GASK1A: variants seen among roughly 807,000 people sequenced by gnomAD.
GASK1A encodes the protein golgi associated kinase 1A.
In GASK1A, 40 loss-of-function variants were observed where a neutral mutation model predicts 41.2. That is an observed-to-expected ratio of 0.97 (90% CI 0.75 to 1.27). The LOEUF is 1.27. Among genes scored for constraint, GASK1A ranks in the 50% most tolerant of loss-of-function variants. The pLI is 0.00. For missense variants in GASK1A, 678 were observed against 745.1 expected, an observed-to-expected ratio of 0.91 and a Z score of 1.05; for synonymous variants, 316 against 307.1, an observed-to-expected ratio of 1.03 and a Z score of -0.30.
chr3:43,017,873 C>T (rs531155949), intron 1 of GASK1A, among the ~76,000 whole-genome samples: 30 of 141,728 alleles, frequency 2.1e-4, no homozygotes, highest in African/African-American at 6.9e-4. Context: ...AGGGCCAGTG[C>T]GAAGCCACAG....
chr3:43,042,762 T>C (rs1032278213), intron 2 of GASK1A, among the ~76,000 whole-genome samples: 2 of 152,192 alleles, frequency 1.3e-5, no homozygotes, highest in Non-Finnish European at 2.9e-5. Context: ...GCTATAGTCC[T>C]TCTCAATCCA....
At chr3:43,042,651 C>T (rs1342515749) in intron 2 of GASK1A, among the ~76,000 whole-genome samples, 1 of 152,128 alleles carries the variant, frequency 6.6e-6, no homozygotes, top group Admixed American at 6.5e-5. Context: ...CTTTCTTGCC[C>T]AGAACCTACT....
intron 1 of GASK1A, among the ~76,000 whole-genome samples, chr3:43,000,324 CT>C (rs1479505758): frequency 2.6e-5 from 4 of 152,366 alleles, no homozygotes; most frequent in African/African-American, 9.6e-5. Context: ...TGTTCTACCA[CT>C]TCCAGAGTTA....
chr3:43,016,975 G>A (rs1041720653), intron 1 of GASK1A, among the ~76,000 whole-genome samples: 2 of 151,520 alleles, frequency 1.3e-5, no homozygotes, highest in African/African-American at 4.9e-5. Flanking sequence ...TCACAGGAAG[G>A]GTCTGTGTGA....
intron 2 of GASK1A, among the ~76,000 whole-genome samples, chr3:43,039,233 G>C (rs867626289): frequency 1.4e-3 from 173 of 127,988 alleles, no homozygotes; most frequent in African/African-American, 4.8e-3. Flanking sequence ...GATGGAGTCT[G>C]ACTCTGTCGC....
intron 1 of GASK1A, among the ~76,000 whole-genome samples, chr3:43,016,441 A>C (rs2089491777): frequency 6.6e-6 from 1 of 151,440 alleles, no homozygotes; most frequent in Non-Finnish European, 1.5e-5. Flanking sequence ...GTGACATGAC[A>C]GGAAGGGCAG....
intron 2 of GASK1A, among the ~76,000 whole-genome samples, chr3:43,038,270 G>A (rs2089614834): frequency 6.6e-6 from 1 of 152,152 alleles, no homozygotes; most frequent in Non-Finnish European, 1.5e-5. Context: ...TTTTTGAAGT[G>A]TGTGGTTAAT....
At chr3:43,026,289 C>T (rs192976161) in intron 1 of GASK1A, among the ~76,000 whole-genome samples, 2 of 152,326 alleles carry the variant, frequency 1.3e-5, no homozygotes, top group Admixed American at 6.5e-5. Flanking sequence ...AAAGCATCTG[C>T]ATCATGAAAA....
At chr3:43,039,577 A>C (rs1309178330) in intron 2 of GASK1A, among the ~76,000 whole-genome samples, 2 of 152,026 alleles carry the variant, frequency 1.3e-5, no homozygotes, top group Non-Finnish European at 2.9e-5. Flanking sequence ...ATACAGGTAA[A>C]TTTTGTGTCA....
intron 1 of GASK1A, among the ~76,000 whole-genome samples, chr3:43,014,270 G>A (rs373787214): frequency 4.7e-5 from 7 of 149,968 alleles, no homozygotes; most frequent in South Asian, 2.1e-4. Flanking sequence ...GAGAAGTCAC[G>A]GGAAGAAGGA....
chr3:42,981,009 C>T (rs964507115), intron 1 of GASK1A, among the ~76,000 whole-genome samples: 4 of 152,186 alleles, frequency 2.6e-5, no homozygotes, highest in Non-Finnish European at 4.4e-5. Context: ...CTGTGGTCTG[C>T]GGCTGAAGCA....
intron 2 of GASK1A, among the ~76,000 whole-genome samples, chr3:43,042,750 A>C (rs2089644108): frequency 6.6e-6 from 1 of 152,124 alleles, no homozygotes; most frequent in South Asian, 2.1e-4. Flanking sequence ...CTTTTTAGAT[A>C]AGCTATAGTC....
intron 3 of GASK1A, 176 bp downstream of exon 3, chr3:43,053,819 C>T: frequency 2.5e-6 from 2 of 808,418 alleles, no homozygotes; most frequent in Non-Finnish European, 4.2e-6. Context: ...ATATATAAAG[C>T]TGACAAAATG....
intron 1 of GASK1A, among the ~76,000 whole-genome samples, chr3:42,990,575 G>A (rs2089335468): frequency 6.6e-6 from 1 of 152,194 alleles, no homozygotes; most frequent in Admixed American, 6.5e-5. Flanking sequence ...GAATGAGCAC[G>A]CTCTATACCC....
intron 1 of GASK1A, 121 bp from the exon 2 acceptor site, chr3:43,032,146 C>CTG: frequency 4.0e-6 from 3 of 758,014 alleles, no homozygotes; most frequent in Non-Finnish European, 6.2e-6. Context: ...TCCACTTGGG[C>CTG]TGTGCTCTTC....
At chr3:43,045,845 A>AT (rs1559407440) in intron 2 of GASK1A, among the ~76,000 whole-genome samples, 1 of 152,176 alleles carries the variant, frequency 6.6e-6, no homozygotes, top group African/African-American at 2.4e-5. Context: ...TGATGGTTTT[A>AT]TAAGTGCCTG....
intron 2 of GASK1A, among the ~76,000 whole-genome samples, chr3:43,038,072 C>T (rs112418607): frequency 0.023 from 3,458 of 152,188 alleles, 54 homozygotes; most frequent in Non-Finnish European, 0.031. Context: ...ACGTACTTTA[C>T]GAGCAGGTTA....
intron 1 of GASK1A, among the ~76,000 whole-genome samples, chr3:43,013,242 G>C (rs1222150457): frequency 6.6e-6 from 1 of 151,724 alleles, no homozygotes. Flanking sequence ...GGAAGTCACA[G>C]GAAGAGGCAA....
intron 1 of GASK1A, among the ~76,000 whole-genome samples, chr3:43,029,335 G>A (rs2089563136): frequency 6.6e-6 from 1 of 152,118 alleles, no homozygotes; most frequent in African/African-American, 2.4e-5. Context: ...TTCTTTGAAA[G>A]CCACCCTCCA....
Sources: gnomAD v4.1 joint callset for allele counts (sites outside exome capture counted in the v4.1 genomes callset) on GRCh38, gnomAD v4.1.1 for gene constraint, MANE v1.5 for transcripts, NCBI Gene and HGNC (gene_info 2026-07-23, HGNC 2026-07-21) for gene names.